The following IRX2 variants were observed in gnomAD, a reference collection of about 807,000 sequenced individuals.
IRX2 encodes the protein iroquois homeobox 2.
IRX2 carries 26 observed loss-of-function variants against 42.9 expected under a neutral mutation model. The observed-to-expected ratio is 0.61, with a 90% CI of 0.44 to 0.84. IRX2 has a LOEUF of 0.84. Ranked by LOEUF, IRX2 falls within the 40% of genes least tolerant of loss-of-function variation. The probability of loss-of-function intolerance (pLI) is 0.00; values close to 1 mark genes in which losing one functional copy is unlikely to be tolerated. For synonymous variants in IRX2, 424 were observed against 353.9 expected, an observed-to-expected ratio of 1.20 and a Z score of -2.22; for missense variants, 782 against 713.9, an observed-to-expected ratio of 1.10 and a Z score of -1.09.
chr5:2,749,292 T>C, intron 2 of IRX2, 90 bp downstream of exon 2: 2 of 1,501,130 alleles, frequency 1.3e-6, no homozygotes, highest in South Asian at 2.7e-5. Context: ...ACCTGGGGTG[T>C]CCGGCGGGCA....
the IRX2 span, among the ~76,000 whole-genome samples, chr5:2,739,244 C>T: frequency 1.3e-5 from 2 of 152,242 alleles, no homozygotes; most frequent in Admixed American, 6.5e-5. Flanking sequence ...CCGGCCCTCG[C>T]TCCGTGCGCC....
chr5:2,743,488 G>A (rs1361270092), downstream of IRX2, among the ~76,000 whole-genome samples: 2 of 149,250 alleles, frequency 1.3e-5, no homozygotes, highest in Non-Finnish European at 3.0e-5. Flanking sequence ...CCTGGGCCGC[G>A]GAGAGCAGAA....
At chr5:2,744,016 T>C (rs1169130223), downstream of IRX2, among the ~76,000 whole-genome samples, 1 of 152,020 alleles carries the variant, frequency 6.6e-6, no homozygotes, top group Non-Finnish European at 1.5e-5. Flanking sequence ...GCTAATCTCC[T>C]GAGCTGCTTT....
downstream of IRX2, among the ~76,000 whole-genome samples, chr5:2,743,492 A>G (rs943307179): frequency 4.1e-5 from 6 of 147,378 alleles, no homozygotes; most frequent in South Asian, 4.2e-4. Context: ...GGCCGCGGAG[A>G]GCAGAAGGGC....
At chr5:2,737,781 C>A in the IRX2 span, 1 of 152,274 alleles carries the variant, frequency 6.6e-6, no homozygotes. Context: ...AGGAAGTGGC[C>A]CCGGTGCCAG....
the IRX2 span, chr5:2,736,806 T>C: frequency 1.3e-5 from 2 of 152,246 alleles, no homozygotes; most frequent in African/African-American, 2.4e-5. Flanking sequence ...TACATAAGAA[T>C]CATTAAATCT....
chr5:2,742,720 G>A (rs1342129821), downstream of IRX2, among the ~76,000 whole-genome samples: 1 of 152,098 alleles, frequency 6.6e-6, no homozygotes, highest in Non-Finnish European at 1.5e-5. Context: ...ATTGTTACTT[G>A]GATGAAACTT....
rs772712377 is a variant in IRX2 at position 2,751,462 on chromosome 5, C to T, written c.-49G>A. The T allele has an allele frequency of 1.6e-3, 1,831 of 1,116,770 alleles. 1 individual carries two copies. The highest frequency in any genetic ancestry group is 1.8e-3 in the Non-Finnish European group (1,623 of 916,142). 69.2% of individuals were successfully genotyped at this position (1,116,770 alleles called of 1,614,324 possible). A position where few individuals can be genotyped will look rare whatever the true frequency, so the allele number is the denominator to read the frequency against. ...GCGTCACGCCGAGCAGCGGGCAGGG[C>T]GCGCGGCGCCCTCCATCCACGCCCG... On this transcript the variant is annotated 5_prime_UTR_variant, in exon 1 of 4. Coordinates refer to ENST00000302057, the MANE Select transcript of IRX2 (RefSeq NM_033267.5). The surrounding 1 kb of genome is among the most constrained non-coding windows in gnomAD (Gnocchi z 4.0).
chr5:2,741,997 A>T (rs1486974707), downstream of IRX2, among the ~76,000 whole-genome samples: 2 of 152,192 alleles, frequency 1.3e-5, no homozygotes, highest in African/African-American at 4.8e-5. Context: ...AGTCCTCTTA[A>T]ATTGTGTCTT....
At chr5:2,740,931 C>T (rs959557512), downstream of IRX2, among the ~76,000 whole-genome samples, 2 of 152,224 alleles carry the variant, frequency 1.3e-5, no homozygotes, top group African/African-American at 2.4e-5. Flanking sequence ...CCGGCAGCCC[C>T]CCGACTCCCC....
rs1288655475 is a variant in IRX2, at chr5:2,751,204, G to T, written c.210C>A (p.Ala70=). ...TGFGSPLQYS[A]DAAAAAAGFP... ...AGCCGGCGGCGGCGGCGGCGGCGTCGGCCGAGTACTGCAGCGGGCTCCCGA... is the reference window on the plus strand; with the variant it reads ...AGCCGGCGGCGGCGGCGGCGGCGTCTGCCGAGTACTGCAGCGGGCTCCCGA... The change falls in exon 1 of 4, where the codon GCC becomes GCA. Residue 70 remains alanine, a synonymous_variant. Coordinates refer to ENST00000302057, the MANE Select transcript of IRX2 (RefSeq NM_033267.5). The surrounding 1 kb of genome is among the most constrained non-coding windows in gnomAD (Gnocchi z 4.0). 5 of 1,279,922 alleles carry T rather than the reference G, an allele frequency of 3.9e-6. No homozygotes were observed. The highest frequency in any genetic ancestry group is 3.0e-4 in the Middle Eastern group (1 of 3,280). The allele number at this position is 1,279,922 out of a possible 1,614,324, so 79.3% of individuals were successfully genotyped here. A position where few individuals can be genotyped will look rare whatever the true frequency, so the allele number is the denominator to read the frequency against.
rs373376487 is a variant in IRX2, at chr5:2,748,498, C to T, written c.1210G>A (p.Gly404Ser). ...NYGNLNAALQ[G>S]QGLLRYNSAA... is the part of the protein sequence containing the mutation. ...GAGTTGTACCGCAGGAGACCCTGGC[C>T]CTGCAGCGCCGCGTTCAAGTTCCCG... Residue 404 changes from glycine (G) to serine (S), a missense_variant, in exon 3 of 4, where the codon GGC (glycine) becomes AGC (serine). By Grantham distance (56) the Gly-to-Ser change is moderately conservative (BLOSUM62 0). Transcript: ENST00000302057. 10 of 1,581,350 alleles carry T rather than the reference C, an allele frequency of 6.3e-6. No individual in the cohort carries two copies. The African/African-American group carries it at 9.9e-5, about 16-fold the overall frequency.
At position 2,749,352 on chromosome 5, in the gene IRX2, G is replaced by C. The variant is rs756546159; in HGVS notation, c.655+30C>G. 1.2e-4 allele frequency: 181 copies of C among 1,563,560 alleles called. No individual in the cohort carries two copies. Among genetic ancestry groups the C allele is most frequent in the Non-Finnish European group, 1.5e-4 (175 of 1,157,716 alleles). On this transcript the variant is annotated intron_variant, in intron 2 of 3. Coordinates refer to ENST00000302057, the MANE Select transcript of IRX2 (RefSeq NM_033267.5). Reference sequence around the variant, plus strand: ...GCCCCGCCTGGGAAGAAAGCGCCCCGAGACCTTGCGCCGGCCGCTGCCCGC... The same window carrying C: ...GCCCCGCCTGGGAAGAAAGCGCCCCCAGACCTTGCGCCGGCCGCTGCCCGC...
rs1283247467 is a variant in IRX2 at position 2,748,328 on chromosome 5, G to A, written c.1363+17C>T. On this transcript the variant is annotated intron_variant, in intron 3 of 3. Coordinates refer to ENST00000302057, the MANE Select transcript of IRX2 (RefSeq NM_033267.5). ...TCTCCCTCCCCTCCCGGGCGCCGCCGGCCGCGGGCCGCCTACCTTTCTTGG... is the reference window on the plus strand; with the variant it reads ...TCTCCCTCCCCTCCCGGGCGCCGCCAGCCGCGGGCCGCCTACCTTTCTTGG... 5 of 1,385,316 alleles carry A rather than the reference G, an allele frequency of 3.6e-6. No individual in the cohort carries two copies. Among genetic ancestry groups the A allele is most frequent in the Middle Eastern group, 2.6e-4 (1 of 3,810 alleles). The allele number at this position is 1,385,316 out of a possible 1,614,324, so 85.8% of individuals were successfully genotyped here. A position where few individuals can be genotyped will look rare whatever the true frequency, so the allele number is the denominator to read the frequency against.
downstream of IRX2, among the ~76,000 whole-genome samples, chr5:2,745,450 T>C (rs1579622907): frequency 1.3e-5 from 2 of 152,216 alleles, no homozygotes; most frequent in East Asian, 1.9e-4. Flanking sequence ...ACTTTTATGA[T>C]ACTAATCAAA....
rs960226270 is a variant in IRX2 at position 2,749,129 on chromosome 5, C to A, written c.656-77G>T. The A allele has an allele frequency of 3.3e-6, 5 of 1,534,172 alleles. No individual in the cohort carries two copies. In the African/African-American group the frequency reaches 4.1e-5, roughly 13 times the overall value. ...GGAGCCCCCTCCGCCCCCTGTCCTG[C>A]GGCACTGGGCCCTCCCCACGGGACC... On this transcript the variant is annotated intron_variant, in intron 2 of 3. Coordinates refer to ENST00000302057, the MANE Select transcript of IRX2 (RefSeq NM_033267.5).
In IRX2 at chr5:2,749,882, T is replaced by C. The variant is rs1051533228; in HGVS notation, c.250-95A>G. The C allele has an allele frequency of 2.0e-5, 26 of 1,313,988 alleles. No homozygotes were observed. The Admixed American group carries it at 6.0e-4, about 30-fold the overall frequency. 81.4% of individuals were successfully genotyped at this position (1,313,988 alleles called of 1,614,324 possible). A position where few individuals can be genotyped will look rare whatever the true frequency, so the allele number is the denominator to read the frequency against. The stretch of plus-strand genomic sequence containing the variant: ...CCCTCCGCCCGCCCACGGCCACCGT[T>C]CCCCCCGTGAGTCTGGCTCTGGGGC... On this transcript the variant is annotated intron_variant, in intron 1 of 3. Transcript: ENST00000302057.
Position 2,746,989 on chromosome 5 carries a change from G to C in IRX2, c.*575C>G, listed in dbSNP as rs1737690704. On this transcript the variant is annotated 3_prime_UTR_variant, in exon 4 of 4. Transcript: ENST00000302057. ...GAGAATGTCAGAGTCCTGTCCACTT[G>C]GACATGGGTGGAGGGGAGGTTGGAC... 6.6e-6 allele frequency: 1 copy of C among 152,158 alleles called. No individual in the cohort carries two copies. Among genetic ancestry groups the C allele is most frequent in the Admixed American group, 6.6e-5 (1 of 15,264 alleles). The allele number at this position is 152,158 out of a possible 1,614,324, so 9.4% of individuals were successfully genotyped here.
At chr5:2,738,038 C>T in the IRX2 span, among the ~76,000 whole-genome samples, 3 of 152,186 alleles carry the variant, frequency 2.0e-5, no homozygotes, top group African/African-American at 7.2e-5. Context: ...TGGGGTGCAT[C>T]GGCTGTGCAC....
Sources: gnomAD v4.1 joint callset for allele counts (sites outside exome capture counted in the v4.1 genomes callset) on GRCh38, gnomAD v4.1.1 for gene constraint, Gnocchi (gnomAD v3.1) non-coding constraint, MANE v1.5 for transcripts, NCBI Gene and HGNC (gene_info 2026-07-23, HGNC 2026-07-21) for gene names.